PPP2R2D: variants seen among roughly 807,000 people sequenced by gnomAD.
PPP2R2D encodes the protein serine/threonine-protein phosphatase 2A 55 kDa regulatory subunit B delta isoform.
A neutral mutation model predicts 31.1 loss-of-function variants in PPP2R2D; 9 were observed. The observed-to-expected ratio is 0.29, with a 90% CI of 0.17 to 0.51. The LOEUF (loss-of-function observed/expected upper bound fraction) is 0.51, where lower values mean the gene tolerates loss of function less well. PPP2R2D is among the 20% of genes least tolerant of loss of function. The probability of loss-of-function intolerance (pLI) is 0.98; values close to 1 mark genes in which losing one functional copy is unlikely to be tolerated. For missense variants in PPP2R2D, 391 were observed against 465.6 expected, an observed-to-expected ratio of 0.84 and a Z score of 1.48; for synonymous variants, 179 against 172.6, an observed-to-expected ratio of 1.04 and a Z score of -0.29.
At position 131,901,027 on chromosome 10, in the gene PPP2R2D, C is replaced by T. The variant is rs2035478937; in HGVS notation, c.-122C>T. On this transcript the variant is annotated 5_prime_UTR_variant, in exon 1 of 9. Coordinates refer to ENST00000455566, the MANE Select transcript of PPP2R2D (RefSeq NM_018461.5). The stretch of plus-strand genomic sequence containing the variant: ...AGGGAAAAAAATCCCTCCCCGGCGG[C>T]GGCGGCGGCGGCGGCGGCGCCGGCG... The T allele has an allele frequency of 6.8e-6, 1 of 146,992 alleles. No homozygotes were observed. Among genetic ancestry groups the T allele is most frequent in the Non-Finnish European group, 1.4e-5 (1 of 69,920 alleles). The allele number at this position is 146,992 out of a possible 1,614,324, so 9.1% of individuals were successfully genotyped here. A position where few individuals can be genotyped will look rare whatever the true frequency, so the allele number is the denominator to read the frequency against.
chr10:131,946,441 G>A (rs1441872420), intron 7 of PPP2R2D, among the ~76,000 whole-genome samples: 5 of 152,102 alleles, frequency 3.3e-5, no homozygotes, highest in East Asian at 1.9e-4. Flanking sequence ...GTGCAGCGGC[G>A]CCCCCAGTGC....
At chr10:131,963,366 G>C (rs1268645518), downstream of PPP2R2D, among the ~76,000 whole-genome samples, 9 of 2,422 alleles carry the variant, frequency 3.7e-3, no homozygotes, top group Admixed American at 6.6e-3. Flanking sequence ...CAAGTCCCCA[G>C]AGGAGGTGAC....
chr10:131,925,637 A>G (rs1443878926), intron 2 of PPP2R2D, among the ~76,000 whole-genome samples: 2 of 152,220 alleles, frequency 1.3e-5, no homozygotes, highest in Non-Finnish European at 1.5e-5. Flanking sequence ...AGAATTTTCT[A>G]TTTTGTCACA....
At chr10:131,944,515 C>T (rs537206813) in intron 6 of PPP2R2D, among the ~76,000 whole-genome samples, 2 of 152,198 alleles carry the variant, frequency 1.3e-5, no homozygotes, top group Non-Finnish European at 2.9e-5. Context: ...TGTTTAATCA[C>T]CCATCTGAGC....
At chr10:131,920,321 G>A (rs2035954557) in intron 2 of PPP2R2D, among the ~76,000 whole-genome samples, 1 of 150,308 alleles carries the variant, frequency 6.7e-6, no homozygotes, top group Non-Finnish European at 1.5e-5. Context: ...GGGACCTCAC[G>A]CGGGTGGAGT....
intron 8 of PPP2R2D, among the ~76,000 whole-genome samples, chr10:131,953,596 G>A (rs1373897794): frequency 3.5e-5 from 5 of 143,874 alleles, no homozygotes; most frequent in African/African-American, 1.3e-4. Context: ...TGACTTGCGG[G>A]TATGCGGGGG....
intron 2 of PPP2R2D, among the ~76,000 whole-genome samples, chr10:131,924,246 G>A (rs1554894629): frequency 6.6e-6 from 1 of 152,072 alleles, no homozygotes; most frequent in Non-Finnish European, 1.5e-5. Context: ...TCTAATCCAA[G>A]ATTGTGAAGA....
rs1331124452 is a variant in PPP2R2D, at chr10:131,959,125, T to C, written c.*3162T>C. On this transcript the variant is annotated 3_prime_UTR_variant, in exon 9 of 9. Transcript: ENST00000455566. ...CTGTGGAGATGAAGGTGTGTGCTGA[T>C]CCCCCATCCCCCTGTGGAGATGAAG... is the stretch of plus-strand genomic sequence containing the variant. The C allele has an allele frequency of 8.0e-6, 1 of 124,890 alleles. No individual in the cohort carries two copies. The highest frequency in any genetic ancestry group is 1.6e-5 in the Non-Finnish European group (1 of 64,110). The allele number at this position is 124,890 out of a possible 1,614,324, so 7.7% of individuals were successfully genotyped here. A position where few individuals can be genotyped will look rare whatever the true frequency, so the allele number is the denominator to read the frequency against.
intron 5 of PPP2R2D, 117 bp downstream of exon 5, chr10:131,940,811 C>T (rs2036428320): frequency 1.7e-6 from 1 of 590,120 alleles, no homozygotes; most frequent in Non-Finnish European, 3.1e-6. Flanking sequence ...TGAGGTCTGC[C>T]TCGTGATTCC....
At chr10:131,904,261 C>T (rs1162388800) in intron 2 of PPP2R2D, among the ~76,000 whole-genome samples, 3 of 150,212 alleles carry the variant, frequency 2.0e-5, no homozygotes, top group African/African-American at 7.4e-5. Context: ...CTTGTAATCC[C>T]AGCACTTTGG....
intron 8 of PPP2R2D, among the ~76,000 whole-genome samples, chr10:131,951,998 G>T (rs994036854): frequency 6.6e-6 from 1 of 151,582 alleles, no homozygotes; most frequent in Non-Finnish European, 1.5e-5. Context: ...TGTGCAGAGG[G>T]GTCACTCTCT....
chr10:131,952,859 G>A (rs1396383565), intron 8 of PPP2R2D, among the ~76,000 whole-genome samples: 3 of 49,766 alleles, frequency 6.0e-5, no homozygotes, highest in African/African-American at 3.1e-4. Context: ...GTGACTTGCG[G>A]GGGGGGTCCC....
chr10:131,915,077 A>G (rs960099841), intron 2 of PPP2R2D, among the ~76,000 whole-genome samples: 3 of 151,230 alleles, frequency 2.0e-5, no homozygotes, highest in Non-Finnish European at 2.9e-5. Context: ...TCATGTTTGA[A>G]AATACCTTAA....
At chr10:131,918,744 GTGTT>G (rs1297112990) in intron 2 of PPP2R2D, among the ~76,000 whole-genome samples, 55 of 147,678 alleles carry the variant, frequency 3.7e-4, no homozygotes, top group Middle Eastern at 3.7e-3. Context: ...GAATGACACA[GTGTT>G]TGTAGGGACC....
rs782467232 is a variant in PPP2R2D, at chr10:131,940,693, G to A, written c.476G>A (p.Arg159Gln). The change falls in exon 5 of 9, where the codon CGG (arginine) becomes CAG (glutamine). Residue 159 changes from arginine (R) to glutamine (Q), a missense_variant and splice_region_variant. Transcript: ENST00000455566. ...GACCCATTTAGGATCACGGCGCTACGGGTACACGTTGCCTTTGCTTTATCC... is the reference window on the plus strand; with the variant it reads ...GACCCATTTAGGATCACGGCGCTACAGGTACACGTTGCCTTTGCTTTATCC... ...LRDPFRITAL[R>Q]VPILKPMDLM... 6.5e-6 allele frequency: 5 copies of A among 773,450 alleles called. No individual in the cohort carries two copies. The highest frequency in any genetic ancestry group is 5.5e-5 in the South Asian group (4 of 72,600). The allele number at this position is 773,450 out of a possible 1,614,324, so 47.9% of individuals were successfully genotyped here.
At chr10:131,966,191 G>A in the PPP2R2D span, among the ~76,000 whole-genome samples, 1 of 152,122 alleles carries the variant, frequency 6.6e-6, no homozygotes, top group Non-Finnish European at 1.5e-5. Context: ...ACGTGTCGGC[G>A]TCACGTTCCA....
intron 8 of PPP2R2D, among the ~76,000 whole-genome samples, chr10:131,950,905 A>G (rs1159837582): frequency 2.0e-5 from 3 of 152,258 alleles, no homozygotes; most frequent in Admixed American, 1.3e-4. Flanking sequence ...AAACATTAAG[A>G]AATTCAACTA....
intron 2 of PPP2R2D, among the ~76,000 whole-genome samples, chr10:131,925,017 C>A (rs1367927053): frequency 6.6e-6 from 1 of 152,138 alleles, no homozygotes; most frequent in Admixed American, 6.5e-5. Context: ...TGTGTCCTTG[C>A]TGAACCTGTT....
chr10:131,947,543 T>C lies in PPP2R2D; in HGVS notation c.834T>C (p.Pro278=), dbSNP rs1223526588. The C allele has an allele frequency of 1.2e-6, 2 of 1,613,616 alleles. No homozygotes were observed. Among genetic ancestry groups the C allele is most frequent in the African/African-American group, 2.7e-5 (2 of 74,936 alleles). ...TTTGTTTTTCAGTTTTTGAAGAGCC[T>C]GAAGATCCCAGCAGTAGGTCCTTCT... is the stretch of plus-strand genomic sequence containing the variant. The part of the protein sequence containing the change: ...CDRHSKFFEE[P]EDPSSRSFFS... Residue 278 remains proline, a synonymous_variant, in exon 8 of 9, where the codon CCT becomes CCC. Transcript: ENST00000455566. The surrounding 1 kb of genome is among the most constrained non-coding windows in gnomAD (Gnocchi z 4.3).
Sources: allele counts gnomAD v4.1 joint callset (sites outside exome capture counted in the v4.1 genomes callset), GRCh38; gene constraint gnomAD v4.1.1; non-coding constraint Gnocchi (gnomAD v3.1); transcripts MANE v1.5; gene names NCBI Gene and HGNC (gene_info 2026-07-23, HGNC 2026-07-21).